The following MLLT1 variants were observed in gnomAD, a reference collection of about 807,000 sequenced individuals.
MLLT1 encodes protein ENL.
MLLT1 carries 11 observed loss-of-function variants against 55.1 expected under a neutral mutation model. The observed-to-expected ratio is 0.20, with a 90% CI of 0.13 to 0.33. The LOEUF (loss-of-function observed/expected upper bound fraction) is 0.33, where lower values mean the gene tolerates loss of function less well. MLLT1 is among the 10% of genes least tolerant of loss of function. The pLI is 1.00. For synonymous variants in MLLT1, 323 were observed against 320.1 expected, an observed-to-expected ratio of 1.01 and a Z score of -0.10; for missense variants, 536 against 760.6, an observed-to-expected ratio of 0.70 and a Z score of 3.47.
chr19:6,274,782 A>G (rs2091419625), intron 1 of MLLT1, among the ~76,000 whole-genome samples: 1 of 152,206 alleles, frequency 6.6e-6, no homozygotes, highest in African/African-American at 2.4e-5. Flanking sequence ...ACTTCTGGGA[A>G]ACCATCTGAA....
intron 5 of MLLT1, among the ~76,000 whole-genome samples, chr19:6,225,610 C>T (rs543588804): frequency 1.3e-5 from 2 of 152,326 alleles, no homozygotes; most frequent in South Asian, 4.1e-4. Context: ...CCGCCTACAT[C>T]TCTCCACCCG....
rs201482151 is a variant in MLLT1, at chr19:6,222,266, G to C, written c.965C>G (p.Ser322Cys). ...PGTSPRTSSS[S>C]SFSDKKPAKD... Reference sequence around the variant, plus strand: ...GGCCGGCTTCTTGTCCGAGAAGGAGGAGGAGGAGGAGGTGCGGGGCGAGGT... The same window carrying C: ...GGCCGGCTTCTTGTCCGAGAAGGAGCAGGAGGAGGAGGTGCGGGGCGAGGT... Residue 322 changes from serine (S) to cysteine (C), a missense_variant, in exon 6 of 12, where the codon TCC becomes TGC. This residue lies in a region of MLLT1 where 449 missense variants were observed against 489.0 expected (regional missense o/e 0.92). Transcript: ENST00000252674. This position sits in a 1 kb window ranked among gnomAD's most constrained non-coding sequence, Gnocchi z 4.1. 1.9e-6 allele frequency: 3 copies of C among 1,612,188 alleles called. No individual in the cohort carries two copies. The highest frequency in any genetic ancestry group is 2.5e-6 in the Non-Finnish European group (3 of 1,179,224).
intron 7 of MLLT1, chr19:6,216,766 A>T (rs10417252): frequency 2.0e-6 from 1 of 501,334 alleles, no homozygotes; most frequent in Non-Finnish European, 3.6e-6. Flanking sequence ...GCCTCAGGGG[A>T]CTGGCCGGCA....
At chr19:6,237,510 C>A (rs891545339) in intron 3 of MLLT1, among the ~76,000 whole-genome samples, 3 of 151,758 alleles carry the variant, frequency 2.0e-5, no homozygotes, top group Non-Finnish European at 4.4e-5. Flanking sequence ...GTAATCCCAT[C>A]ACTTTGGGAG....
rs187362003 is a variant in MLLT1 at position 6,230,837 on chromosome 19, C to T, written c.277-124G>A. 1.6e-4 allele frequency: 199 copies of T among 1,244,556 alleles called. 1 individual carries two copies. The Admixed American group carries it at 3.9e-3, about 24-fold the overall frequency. 77.1% of individuals were successfully genotyped at this position (1,244,556 alleles called of 1,614,324 possible). On this transcript the variant is annotated intron_variant, in intron 3 of 11. Coordinates refer to ENST00000252674, the MANE Select transcript of MLLT1 (RefSeq NM_005934.4). The surrounding 1 kb of genome is among the most constrained non-coding windows in gnomAD (Gnocchi z 9.0). ...CCTCTGTTCCCCTCCCTCCGATTTG[C>T]GCCCACTTCTCTCTCAGGGCACCTC...
At position 6,262,480 on chromosome 19, in the gene MLLT1, G is replaced by A. The variant is rs2091314046; in HGVS notation, c.194-170C>T. Among the ~76,000 whole-genome samples the A allele has an allele frequency of 6.6e-6, 1 of 152,044 alleles. No individual in the cohort carries two copies. The highest frequency in any genetic ancestry group is 1.5e-5 in the Non-Finnish European group (1 of 68,006). On this transcript the variant is annotated intron_variant, in intron 2 of 11. Coordinates refer to ENST00000252674, the MANE Select transcript of MLLT1 (RefSeq NM_005934.4). This position sits in a 1 kb window ranked among gnomAD's most constrained non-coding sequence, Gnocchi z 4.4. ...GCCCCCGACAGGATTGACTTCCACGGCAAAGTTATCTTAGGAATAAAACAG... is the reference window on the plus strand; with the variant it reads ...GCCCCCGACAGGATTGACTTCCACGACAAAGTTATCTTAGGAATAAAACAG...
At chr19:6,216,537 A>C in intron 7 of MLLT1, 24 bp from the exon 8 acceptor site, 10 of 1,180,412 alleles carry the variant, frequency 8.5e-6, no homozygotes, top group Non-Finnish European at 1.2e-5. Context: ...GCAGGGAGGG[A>C]GGGGAGACAA....
rs914593511 is a variant in MLLT1, at chr19:6,235,697, A to G, written c.277-4984T>C. ...CTCTCTCCTGGACCACCTGCCTCCT[A>G]ACCGTCACCCGCTTCCACCACAGCC... is the stretch of plus-strand genomic sequence containing the variant. On this transcript the variant is annotated intron_variant, in intron 3 of 11. Coordinates refer to ENST00000252674, the MANE Select transcript of MLLT1 (RefSeq NM_005934.4). This position sits in a 1 kb window ranked among gnomAD's most constrained non-coding sequence, Gnocchi z 5.5. 5.3e-5 allele frequency among the ~76,000 whole-genome samples: 8 copies of G among 151,990 alleles called. No individual in the cohort carries two copies. The highest frequency in any genetic ancestry group is 1.9e-4 in the African/African-American group (8 of 41,394).
chr19:6,236,754 T>G (rs557376247), intron 3 of MLLT1, among the ~76,000 whole-genome samples: 82 of 152,282 alleles, frequency 5.4e-4, no homozygotes, highest in African/African-American at 1.9e-3. Flanking sequence ...ACCAGCCTCC[T>G]GGGAGATGTT....
At chr19:6,261,396 T>C (rs925804120) in intron 3 of MLLT1, among the ~76,000 whole-genome samples, 2 of 152,138 alleles carry the variant, frequency 1.3e-5, no homozygotes, top group African/African-American at 4.8e-5. Context: ...AAAAGTGGAA[T>C]GGCAGCCACG....
At chr19:6,236,167 T>A (rs1269770892) in intron 3 of MLLT1, among the ~76,000 whole-genome samples, 2 of 152,138 alleles carry the variant, frequency 1.3e-5, no homozygotes, top group African/African-American at 4.8e-5. Flanking sequence ...TCTCTAATCT[T>A]ACGGATAGTC....
chr19:6,250,241 T>TA (rs1189620173), intron 3 of MLLT1, among the ~76,000 whole-genome samples: 1 of 152,068 alleles, frequency 6.6e-6, no homozygotes, highest in East Asian at 1.9e-4. Flanking sequence ...TGGCTATCAG[T>TA]AAAAACAGAC....
At chr19:6,241,006 C>T (rs372485369) in intron 3 of MLLT1, among the ~76,000 whole-genome samples, 3 of 152,180 alleles carry the variant, frequency 2.0e-5, no homozygotes, top group Non-Finnish European at 4.4e-5. Flanking sequence ...CAGCCAGCAA[C>T]GTAAACACCT....
At position 6,222,045 on chromosome 19, in the gene MLLT1, T is replaced by C; in HGVS notation, c.1110+76A>G. 1 of 1,284,972 alleles carries C rather than the reference T, an allele frequency of 7.8e-7. No individual in the cohort carries two copies. The highest frequency in any genetic ancestry group is 2.7e-5 in the East Asian group (1 of 36,390). 79.6% of individuals were successfully genotyped at this position (1,284,972 alleles called of 1,614,324 possible). ...AGGTCCTGGCTCAGATCCCACCTCCTTCCGCTGTTCCAGAAGGGAGGCGGG... is the reference window on the plus strand; with the variant it reads ...AGGTCCTGGCTCAGATCCCACCTCCCTCCGCTGTTCCAGAAGGGAGGCGGG... On this transcript the variant is annotated intron_variant, in intron 6 of 11. Transcript: ENST00000252674. This position sits in a 1 kb window ranked among gnomAD's most constrained non-coding sequence, Gnocchi z 4.1.
At chr19:6,259,118 T>C (rs2091282154) in intron 3 of MLLT1, 2 of 152,194 alleles carry the variant, frequency 1.3e-5, no homozygotes, top group Admixed American at 6.5e-5. Context: ...ACCTCCAAAC[T>C]GCGGTCTCCG....
At chr19:6,254,538 T>C (rs1253058487) in intron 3 of MLLT1, among the ~76,000 whole-genome samples, 1 of 152,172 alleles carries the variant, frequency 6.6e-6, no homozygotes, top group Non-Finnish European at 1.5e-5. Flanking sequence ...ACCTGGGAGC[T>C]TGCGCTAACT....
rs1287820378 is a variant in MLLT1, at chr19:6,228,727, G to A, written c.421-1625C>T. On this transcript the variant is annotated intron_variant, in intron 4 of 11. Transcript: ENST00000252674. ...CTGGTCCCGGGAAGCCCCGAGAGGA[G>A]CCCCTGCCACCGAGGCCTCCGGCTG... Among the ~76,000 whole-genome samples, 4 of 152,236 alleles carry A rather than the reference G, an allele frequency of 2.6e-5. No individual in the cohort carries two copies. The South Asian group carries it at 8.3e-4, about 32-fold the overall frequency.
At chr19:6,214,986 C>A (rs1249502093) in intron 8 of MLLT1, among the ~76,000 whole-genome samples, 1 of 152,142 alleles carries the variant, frequency 6.6e-6, no homozygotes, top group Non-Finnish European at 1.5e-5. Context: ...CCGGCTCTGG[C>A]AGCTCCAGGT....
intron 5 of MLLT1, among the ~76,000 whole-genome samples, chr19:6,223,992 A>T (rs902876802): frequency 1.3e-4 from 20 of 152,080 alleles, no homozygotes; most frequent in African/African-American, 4.3e-4. Context: ...GGGCTCCGGG[A>T]GCAGTGAGAG....
Sources: allele counts gnomAD v4.1 joint callset (sites outside exome capture counted in the v4.1 genomes callset), GRCh38; gene constraint gnomAD v4.1.1; regional missense constraint gnomAD v4.1.1; non-coding constraint Gnocchi (gnomAD v3.1); transcripts MANE v1.5; gene names NCBI Gene and HGNC (gene_info 2026-07-23, HGNC 2026-07-21).